CDH13: variants seen among roughly 807,000 people sequenced by gnomAD.
The protein encoded by CDH13 is cadherin-13.
A neutral mutation model predicts 63.8 loss-of-function variants in CDH13; 24 were observed. The ratio of observed to expected loss-of-function variants is 0.38; its 90% CI spans 0.27 to 0.53. CDH13 has a LOEUF of 0.53. Among genes scored for constraint, CDH13 ranks in the 20% least tolerant of loss-of-function variants. The pLI, the probability that CDH13 is intolerant of heterozygous loss-of-function variation, is 0.85. For synonymous variants in CDH13, 503 were observed against 355.3 expected, an observed-to-expected ratio of 1.42 and a Z score of -4.67; for missense variants, 1,049 against 903.1, an observed-to-expected ratio of 1.16 and a Z score of -2.07.
At chr16:83,085,050 T>G (rs2033493250) in intron 3 of CDH13, among the ~76,000 whole-genome samples, 2 of 152,182 alleles carry the variant, frequency 1.3e-5, no homozygotes, top group Admixed American at 6.5e-5. Context: ...GGCTTTAATC[T>G]TCATAGTTTT....
chr16:82,856,525 A>T (rs1413676575), intron 1 of CDH13, among the ~76,000 whole-genome samples: 1 of 151,466 alleles, frequency 6.6e-6, no homozygotes, highest in Non-Finnish European at 1.5e-5. Flanking sequence ...AACATAGTGA[A>T]ACCTCCTCAG....
chr16:82,803,480 A>G (rs771026005), intron 1 of CDH13, among the ~76,000 whole-genome samples: 12 of 152,212 alleles, frequency 7.9e-5, no homozygotes, highest in Non-Finnish European at 8.8e-5. Context: ...TAATGCCAGC[A>G]TATAGGTCAA....
chr16:83,703,050 A>G (rs1906484537), intron 10 of CDH13, among the ~76,000 whole-genome samples: 1 of 152,190 alleles, frequency 6.6e-6, no homozygotes. Context: ...CTTGGTTCCA[A>G]TGGCAAGGCT....
At chr16:83,388,991 C>G (rs183927900) in intron 6 of CDH13, among the ~76,000 whole-genome samples, 5 of 152,146 alleles carry the variant, frequency 3.3e-5, no homozygotes, top group African/African-American at 4.8e-5. Flanking sequence ...TTGTGAAAAA[C>G]CCATTCCCAG....
chr16:83,514,508 G>C (rs377144676), intron 7 of CDH13, among the ~76,000 whole-genome samples: 1 of 152,080 alleles, frequency 6.6e-6, no homozygotes, highest in Non-Finnish European at 1.5e-5. Flanking sequence ...AGCCGGGCAT[G>C]GTGGTGCTCA....
chr16:82,699,582 G>C (rs755220238), intron 1 of CDH13, among the ~76,000 whole-genome samples: 7 of 152,174 alleles, frequency 4.6e-5, no homozygotes, highest in Non-Finnish European at 1.0e-4. Flanking sequence ...GAACCTTTTA[G>C]AAATGGTATT....
intron 3 of CDH13, among the ~76,000 whole-genome samples, chr16:83,045,626 G>T (rs1353345548): frequency 1.1e-5 from 1 of 92,448 alleles, no homozygotes. Flanking sequence ...GACAGATCAA[G>T]ATTCCTTTAA....
chr16:83,254,468 T>C (rs1221100680), intron 5 of CDH13, among the ~76,000 whole-genome samples: 2 of 152,146 alleles, frequency 1.3e-5, no homozygotes, highest in Non-Finnish European at 2.9e-5. Context: ...ATTTCTCCTT[T>C]TTACCTCAGC....
intron 1 of CDH13, among the ~76,000 whole-genome samples, chr16:82,761,982 A>G (rs1400109797): frequency 1.3e-5 from 2 of 152,250 alleles, no homozygotes; most frequent in Non-Finnish European, 2.9e-5. Flanking sequence ...AAAAGCTAAA[A>G]GACAAAGAGA....
chr16:82,638,460 T>C (rs1379575387), intron 1 of CDH13, among the ~76,000 whole-genome samples: 1 of 152,228 alleles, frequency 6.6e-6, no homozygotes, highest in African/African-American at 2.4e-5. Flanking sequence ...CCCTGCAGGA[T>C]TTTTGTGAGA....
At chr16:82,805,923 C>A (rs1188104925) in intron 1 of CDH13, among the ~76,000 whole-genome samples, 1 of 152,168 alleles carries the variant, frequency 6.6e-6, no homozygotes. Flanking sequence ...CTGTTTTGAT[C>A]ACCCTTTCTA....
At chr16:82,737,828 C>T (rs1337307958) in intron 1 of CDH13, among the ~76,000 whole-genome samples, 2 of 152,122 alleles carry the variant, frequency 1.3e-5, no homozygotes, top group Non-Finnish European at 2.9e-5. Context: ...CAAAAAATTG[C>T]TCCGGTTTAA....
At chr16:83,308,234 A>G (rs1429671238) in intron 5 of CDH13, among the ~76,000 whole-genome samples, 6 of 152,200 alleles carry the variant, frequency 3.9e-5, no homozygotes. Context: ...ACTAGCCTTC[A>G]TCTTTCCAAA....
intron 2 of CDH13, among the ~76,000 whole-genome samples, chr16:83,010,425 G>A (rs1185215532): frequency 1.3e-5 from 2 of 151,860 alleles, no homozygotes; most frequent in Non-Finnish European, 2.9e-5. Flanking sequence ...GGGTTTTTTT[G>A]GCCCCTTTGC....
chr16:83,067,204 C>T (rs2032085191), intron 3 of CDH13, among the ~76,000 whole-genome samples: 1 of 152,160 alleles, frequency 6.6e-6, no homozygotes, highest in Non-Finnish European at 1.5e-5. Flanking sequence ...TCAAATCTTT[C>T]AGCAGCAGAA....
intron 8 of CDH13, among the ~76,000 whole-genome samples, chr16:83,644,537 C>G (rs1429899005): frequency 1.3e-5 from 2 of 152,220 alleles, no homozygotes; most frequent in Non-Finnish European, 2.9e-5. Flanking sequence ...CAGTTTATAG[C>G]TCTTTTTCTA....
intron 2 of CDH13, among the ~76,000 whole-genome samples, chr16:82,883,976 T>A (rs985319493): frequency 1.3e-5 from 2 of 152,158 alleles, no homozygotes; most frequent in African/African-American, 4.8e-5. Context: ...TTTCCTCCTC[T>A]GTAAAATGGG....
intron 11 of CDH13, among the ~76,000 whole-genome samples, chr16:83,749,742 A>G (rs1645843): frequency 0.76 from 115,895 of 151,980 alleles, 44,385 homozygotes; most frequent in African/African-American, 0.83. Flanking sequence ...GGGCTCATGA[A>G]TTATTTGGAA....
intron 4 of CDH13, among the ~76,000 whole-genome samples, chr16:83,186,717 C>A (rs757793828): frequency 6.6e-6 from 1 of 152,086 alleles, no homozygotes; most frequent in Admixed American, 6.6e-5. Context: ...ATTCTTGCAT[C>A]GGATGAGCTC....
Sources: gnomAD v4.1 joint callset for allele counts (sites outside exome capture counted in the v4.1 genomes callset) on GRCh38, gnomAD v4.1.1 for gene constraint, MANE v1.5 for transcripts, NCBI Gene and HGNC (gene_info 2026-07-23, HGNC 2026-07-21) for gene names.